Variants in ADAMTSL3 observed in about 807,000 individuals in gnomAD.
ADAMTSL3 encodes ADAMTS-like protein 3.
In ADAMTSL3, 128 loss-of-function variants were observed where a neutral mutation model predicts 201.7. The observed-to-expected ratio is 0.63, with a 90% CI of 0.55 to 0.73. The LOEUF (loss-of-function observed/expected upper bound fraction) is 0.73. Among genes scored for constraint, ADAMTSL3 ranks in the 30% least tolerant of loss-of-function variants. The pLI, the probability that ADAMTSL3 is intolerant of heterozygous loss-of-function variation, is 0.00. For synonymous variants in ADAMTSL3, 738 were observed against 748.4 expected, an observed-to-expected ratio of 0.99 and a Z score of 0.23; for missense variants, 1,990 against 2,119.6, an observed-to-expected ratio of 0.94 and a Z score of 1.20.
intron 23 of ADAMTSL3, among the ~76,000 whole-genome samples, chr15:84,005,483 G>T (rs534160401): frequency 6.6e-6 from 1 of 152,254 alleles, no homozygotes; most frequent in East Asian, 1.9e-4. Context: ...ACCAACTCTT[G>T]ACTTTCTTCT....
In ADAMTSL3 at chr15:83,780,456, T is replaced by C. The variant is rs533278286; in HGVS notation, c.317+6806T>C. On this transcript the variant is annotated intron_variant, in intron 4 of 29. Coordinates refer to ENST00000286744, the MANE Select transcript of ADAMTSL3 (RefSeq NM_207517.3). The stretch of plus-strand genomic sequence containing the variant: ...CTCAATAAAGTAGGTATTCAAGGAA[T>C]ATACATCAAAATAATAAGAGCCATC... Among the ~76,000 whole-genome samples the C allele has an allele frequency of 5.0e-5, 7 of 139,868 alleles. No homozygotes were observed. The South Asian group carries it at 1.7e-3, about 33-fold the overall frequency. 91.8% of individuals were successfully genotyped at this position (139,868 alleles called of 152,430 possible). A position where few individuals can be genotyped will look rare whatever the true frequency, so the allele number is the denominator to read the frequency against.
intron 4 of ADAMTSL3, among the ~76,000 whole-genome samples, chr15:83,800,414 C>T (rs1259029919): frequency 3.3e-5 from 5 of 152,146 alleles, no homozygotes; most frequent in African/African-American, 1.2e-4. Context: ...ACTCAGCTTA[C>T]AATTAGGACA....
intron 15 of ADAMTSL3, among the ~76,000 whole-genome samples, chr15:83,900,863 C>T (rs367586891): frequency 1.3e-5 from 2 of 152,194 alleles, no homozygotes; most frequent in Non-Finnish European, 2.9e-5. Context: ...CCATGGATCC[C>T]GAGAGCTTTG....
intron 4 of ADAMTSL3, among the ~76,000 whole-genome samples, chr15:83,798,129 A>G (rs1470566193): frequency 3.3e-5 from 5 of 152,200 alleles, no homozygotes; most frequent in Non-Finnish European, 5.9e-5. Flanking sequence ...TTTTGGCACA[A>G]TATGATTCCA....
intron 4 of ADAMTSL3, among the ~76,000 whole-genome samples, chr15:83,800,146 AT>A (rs2063494952): frequency 6.6e-6 from 1 of 152,238 alleles, no homozygotes; most frequent in South Asian, 2.1e-4. Context: ...CTACTGACTT[AT>A]AAAGGAAACT....
At position 84,031,407 on chromosome 15, in the gene ADAMTSL3, G is replaced by A; in HGVS notation, c.4729G>A (p.Asp1577Asn). The A allele has an allele frequency of 6.2e-7, 1 of 1,614,050 alleles. No homozygotes were observed. ...RHTACQHNSS[D>N]SNCDDRKRPT... ...CACAGCTTGTCAACACAACAGCTCT[G>A]ACTCCAACTGTGATGACAGAAAGAG... The change falls in exon 28 of 30, where the codon GAC (aspartate) becomes AAC (asparagine). Residue 1577 changes from aspartate to asparagine, a missense_variant. Coordinates refer to ENST00000286744, the MANE Select transcript of ADAMTSL3 (RefSeq NM_207517.3).
intron 15 of ADAMTSL3, among the ~76,000 whole-genome samples, chr15:83,903,917 C>CAAAAAAAA (rs1168502648): frequency 2.2e-3 from 43 of 19,244 alleles, no homozygotes; most frequent in African/African-American, 4.8e-3. Context: ...GACTCCACAT[C>CAAAAAAAA]AAAAAAAAAA....
At chr15:83,840,933 G>A (rs1238148075) in intron 7 of ADAMTSL3, among the ~76,000 whole-genome samples, 1 of 152,168 alleles carries the variant, frequency 6.6e-6, no homozygotes, top group Non-Finnish European at 1.5e-5. Flanking sequence ...CATCCTTAGA[G>A]GATGGCTTTT....
At chr15:83,689,432 T>G (rs1567073978) in intron 2 of ADAMTSL3, among the ~76,000 whole-genome samples, 1 of 152,228 alleles carries the variant, frequency 6.6e-6, no homozygotes. Context: ...TTTGAGTATG[T>G]ATCCCTAAAT....
intron 23 of ADAMTSL3, among the ~76,000 whole-genome samples, chr15:84,001,622 G>T (rs1444345510): frequency 6.6e-6 from 1 of 152,228 alleles, no homozygotes; most frequent in Non-Finnish European, 1.5e-5. Context: ...CCAGAGAGAA[G>T]ACTGTCAAAG....
chr15:83,856,729 G>A (rs2064743202), intron 7 of ADAMTSL3, among the ~76,000 whole-genome samples: 1 of 152,110 alleles, frequency 6.6e-6, no homozygotes, highest in Admixed American at 6.5e-5. Flanking sequence ...TACTTAGGTT[G>A]TTTCTTCCTT....
intron 3 of ADAMTSL3, among the ~76,000 whole-genome samples, chr15:83,732,059 C>T (rs1456217489): frequency 6.6e-6 from 1 of 151,950 alleles, no homozygotes; most frequent in South Asian, 2.1e-4. Context: ...ACAAAAGTAA[C>T]CATGTGAGGA....
chr15:83,939,053 T>C (rs1049273736), intron 17 of ADAMTSL3, among the ~76,000 whole-genome samples: 1 of 152,242 alleles, frequency 6.6e-6, no homozygotes, highest in Admixed American at 6.5e-5. Flanking sequence ...ATATGAATTT[T>C]TTCCTATAGT....
At chr15:83,725,784 T>G (rs2062165494) in intron 3 of ADAMTSL3, among the ~76,000 whole-genome samples, 1 of 152,162 alleles carries the variant, frequency 6.6e-6, no homozygotes, top group Non-Finnish European at 1.5e-5. Flanking sequence ...CATGATGTTT[T>G]GGTTACTACA....
chr15:83,769,276 G>A lies in ADAMTSL3; in HGVS notation c.190-4247G>A, dbSNP rs377115118. Among the ~76,000 whole-genome samples the A allele has an allele frequency of 1.6e-4, 24 of 151,988 alleles. No homozygotes were observed. The East Asian group carries it at 2.5e-3, about 16-fold the overall frequency. On this transcript the variant is annotated intron_variant, in intron 3 of 29. Coordinates refer to ENST00000286744, the MANE Select transcript of ADAMTSL3 (RefSeq NM_207517.3). The stretch of plus-strand genomic sequence containing the variant: ...TCAACTTTTCACATTCAACCTTTTG[G>A]TATATCGAGTGACAAAATGAAAAAT...
At chr15:83,786,613 T>C (rs1198365295) in intron 4 of ADAMTSL3, among the ~76,000 whole-genome samples, 1 of 152,178 alleles carries the variant, frequency 6.6e-6, no homozygotes, top group South Asian at 2.1e-4. Context: ...ATGGCATTAT[T>C]TATTACCTAA....
Position 83,801,858 on chromosome 15 carries a change from A to C in ADAMTSL3, c.318-2792A>C, listed in dbSNP as rs533838939. Among the ~76,000 whole-genome samples, 7 of 151,124 alleles carry C rather than the reference A, an allele frequency of 4.6e-5. No homozygotes were observed. In the East Asian group the frequency reaches 1.4e-3, roughly 29 times the overall value. Reference sequence around the variant, plus strand: ...TGTAAATAAAGACCTTGAGTATTCCATTCAAAAAGGCTCACCATTTTCAGT... The same window carrying C: ...TGTAAATAAAGACCTTGAGTATTCCCTTCAAAAAGGCTCACCATTTTCAGT... On this transcript the variant is annotated intron_variant, in intron 4 of 29. Transcript: ENST00000286744.
At chr15:83,947,029 C>T (rs2066667541) in intron 19 of ADAMTSL3, among the ~76,000 whole-genome samples, 1 of 152,248 alleles carries the variant, frequency 6.6e-6, no homozygotes. Flanking sequence ...CAACCTGTTG[C>T]ACAGAAATTT....
intron 2 of ADAMTSL3, among the ~76,000 whole-genome samples, chr15:83,674,360 T>A (rs1163831368): frequency 6.6e-6 from 1 of 152,118 alleles, no homozygotes; most frequent in African/African-American, 2.4e-5. Context: ...ACCATCGTCA[T>A]TTCTTGAAAA....
Sources: gnomAD v4.1 joint callset for allele counts (sites outside exome capture counted in the v4.1 genomes callset) on GRCh38, gnomAD v4.1.1 for gene constraint, MANE v1.5 for transcripts, NCBI Gene and HGNC (gene_info 2026-07-23, HGNC 2026-07-21) for gene names.